FRAS1: variants seen among roughly 807,000 people sequenced by gnomAD.
The protein encoded by FRAS1 is Fraser extracellular matrix complex subunit 1.
A neutral mutation model predicts 435.2 loss-of-function variants in FRAS1; 290 were observed. That is an observed-to-expected ratio of 0.67 (90% confidence interval 0.61 to 0.73). The LOEUF is 0.73. Ranked by LOEUF, FRAS1 falls within the 30% of genes least tolerant of loss-of-function variation. The pLI is 0.00. For missense variants in FRAS1, 4,860 were observed against 5,001.5 expected, an observed-to-expected ratio of 0.97 and a Z score of 0.85; for synonymous variants, 1,800 against 1,851.0, an observed-to-expected ratio of 0.97 and a Z score of 0.71.
At chr4:78,276,211 T>G (rs559135164) in intron 9 of FRAS1, among the ~76,000 whole-genome samples, 1 of 152,314 alleles carries the variant, frequency 6.6e-6, no homozygotes, top group Non-Finnish European at 1.5e-5. Flanking sequence ...TGGTTAGCCA[T>G]TTGTCTAATC....
At chr4:78,481,209 A>G (rs1338251877) in intron 56 of FRAS1, among the ~76,000 whole-genome samples, 1 of 152,244 alleles carries the variant, frequency 6.6e-6, no homozygotes, top group Non-Finnish European at 1.5e-5. Context: ...TTAGGACACT[A>G]CAAAGCATGA....
intron 72 of FRAS1, among the ~76,000 whole-genome samples, chr4:78,539,084 G>A (rs867067): frequency 0.04 from 6,129 of 152,070 alleles, 412 homozygotes; most frequent in African/African-American, 0.14. Flanking sequence ...GGGATTATGG[G>A]AACTGTAATT....
intron 22 of FRAS1, among the ~76,000 whole-genome samples, chr4:78,364,322 T>C (rs1009686042): frequency 6.6e-6 from 1 of 152,222 alleles, no homozygotes; most frequent in Non-Finnish European, 1.5e-5. Flanking sequence ...TTAACTTCTC[T>C]GTCCAGGTTA....
chr4:78,185,450 G>A (rs1448703816), intron 2 of FRAS1, among the ~76,000 whole-genome samples: 1 of 152,178 alleles, frequency 6.6e-6, no homozygotes, highest in African/African-American at 2.4e-5. Flanking sequence ...GATGGTATTT[G>A]AATCCCTATG....
chr4:78,358,381 G>A (rs1191149264), intron 20 of FRAS1, among the ~76,000 whole-genome samples: 4 of 152,024 alleles, frequency 2.6e-5, no homozygotes, highest in Admixed American at 1.3e-4. Flanking sequence ...AATACAAGTC[G>A]ATAGGAACTT....
intron 2 of FRAS1, among the ~76,000 whole-genome samples, chr4:78,127,928 G>A (rs1220566555): frequency 8.2e-6 from 1 of 122,596 alleles, no homozygotes; most frequent in African/African-American, 3.2e-5. Context: ...ACAGGCCCTG[G>A]TGTGTGATGT....
intron 2 of FRAS1, among the ~76,000 whole-genome samples, chr4:78,217,453 A>G (rs1461154990): frequency 6.6e-6 from 1 of 152,108 alleles, no homozygotes; most frequent in Non-Finnish European, 1.5e-5. Context: ...TCTGTGCGGG[A>G]CTGCCAGAGC....
intron 29 of FRAS1, among the ~76,000 whole-genome samples, chr4:78,392,243 G>A (rs1420942335): frequency 6.6e-6 from 1 of 152,056 alleles, no homozygotes; most frequent in East Asian, 1.9e-4. Flanking sequence ...TGTCCTATGA[G>A]ATTAAATTTT....
chr4:78,332,363 C>T (rs1006778284), intron 18 of FRAS1, among the ~76,000 whole-genome samples: 1 of 152,154 alleles, frequency 6.6e-6, no homozygotes, highest in African/African-American at 2.4e-5. Context: ...ATGATTAAGA[C>T]AATGGCTACC....
At chr4:78,414,842 T>G (rs1552294) in intron 32 of FRAS1, among the ~76,000 whole-genome samples, 1 of 151,946 alleles carries the variant, frequency 6.6e-6, no homozygotes, top group Non-Finnish European at 1.5e-5. Flanking sequence ...AACTTTGAGT[T>G]TAAAAGAGGA....
intron 13 of FRAS1, among the ~76,000 whole-genome samples, chr4:78,284,833 T>G (rs1423598250): frequency 6.6e-6 from 1 of 152,196 alleles, no homozygotes; most frequent in Non-Finnish European, 1.5e-5. Flanking sequence ...AGTTAAATAT[T>G]TTTATTTTTG....
At chr4:78,231,239 G>T (rs1219808478) in intron 2 of FRAS1, among the ~76,000 whole-genome samples, 2 of 151,942 alleles carry the variant, frequency 1.3e-5, no homozygotes, top group East Asian at 1.9e-4. Flanking sequence ...ACAGGCGTGA[G>T]CCACTGTGCC....
At chr4:78,390,022 T>C (rs921803344) in intron 29 of FRAS1, among the ~76,000 whole-genome samples, 4 of 152,120 alleles carry the variant, frequency 2.6e-5, no homozygotes, top group African/African-American at 9.7e-5. Context: ...TACCTGCCCA[T>C]GGATTGGAAT....
At chr4:78,083,552 T>C (rs1740996949) in intron 2 of FRAS1, among the ~76,000 whole-genome samples, 1 of 151,650 alleles carries the variant, frequency 6.6e-6, no homozygotes, top group Non-Finnish European at 1.5e-5. Flanking sequence ...ACACCCTACC[T>C]CTGAACTTCT....
chr4:78,308,080 T>C lies in FRAS1; in HGVS notation c.1549T>C (p.Cys517Arg). The C allele has an allele frequency of 6.2e-7, 1 of 1,612,828 alleles. No homozygotes were observed. The highest frequency in any genetic ancestry group is 8.5e-7 in the Non-Finnish European group (1 of 1,179,070). Residue 517 changes from cysteine (C) to arginine (R), a missense_variant, in exon 15 of 74, where the codon TGT becomes CGT. By Grantham distance (180) the Cys-to-Arg change is radical. Coordinates refer to ENST00000512123, the MANE Select transcript of FRAS1 (RefSeq NM_025074.7). ...RHSCAVCHES[C>R]AGCWGPTEKH... ...TTCGTCTGCAGTCTGCCATGAGTCCTGTGCAGGTTGCTGGGGCCCAACGGA... is the reference window on the plus strand; with the variant it reads ...TTCGTCTGCAGTCTGCCATGAGTCCCGTGCAGGTTGCTGGGGCCCAACGGA...
chr4:78,058,569 A>AT (rs1382843963), intron 1 of FRAS1, among the ~76,000 whole-genome samples: 3 of 152,092 alleles, frequency 2.0e-5, no homozygotes, highest in African/African-American at 4.8e-5. Context: ...TCCAGTTAGG[A>AT]TTTTATAACT....
At chr4:78,338,772 A>C (rs547404178) in intron 20 of FRAS1, among the ~76,000 whole-genome samples, 1 of 152,306 alleles carries the variant, frequency 6.6e-6, no homozygotes, top group African/African-American at 2.4e-5. Flanking sequence ...TGGCGCTGAC[A>C]TCTCGGCTGT....
intron 18 of FRAS1, among the ~76,000 whole-genome samples, chr4:78,321,673 A>G (rs1313892316): frequency 2.0e-5 from 3 of 151,878 alleles, no homozygotes; most frequent in Non-Finnish European, 2.9e-5. Flanking sequence ...GTGAAACCCC[A>G]TCTCTACTAA....
intron 54 of FRAS1, among the ~76,000 whole-genome samples, chr4:78,476,713 A>G (rs930148049): frequency 6.6e-6 from 1 of 152,228 alleles, no homozygotes; most frequent in East Asian, 1.9e-4. Flanking sequence ...TAGATCTTAC[A>G]TAAAGATCTG....
Sources: allele counts gnomAD v4.1 joint callset (sites outside exome capture counted in the v4.1 genomes callset), GRCh38; gene constraint gnomAD v4.1.1; transcripts MANE v1.5; gene names NCBI Gene and HGNC (gene_info 2026-07-23, HGNC 2026-07-21).